Variants in WDR25 observed in about 807,000 individuals in gnomAD.
WDR25 encodes WD repeat-containing protein 25.
Under a neutral mutation model 47.7 loss-of-function variants are expected in WDR25, and 35 were observed. The ratio of observed to expected loss-of-function variants is 0.73; its 90% confidence interval spans 0.56 to 0.97. WDR25 has a LOEUF of 0.97. Ranked by LOEUF, WDR25 falls within the 50% of genes least tolerant of loss-of-function variation. The pLI, the probability that WDR25 is intolerant of heterozygous loss-of-function variation, is 0.00. For missense variants in WDR25, 634 were observed against 704.7 expected (o/e 0.90, Z 1.14); for synonymous variants, 248 against 278.9 (o/e 0.89, Z 1.10).
Position 100,406,120 on chromosome 14 carries a change from C to T in WDR25, c.822+24374C>T, listed in dbSNP as rs563603961. Among the ~76,000 whole-genome samples the T allele has an allele frequency of 4.6e-5, 7 of 152,198 alleles. No homozygotes were observed. In the East Asian group the frequency reaches 1.2e-3, roughly 25 times the overall value. ...AGGCTTCAGAAGCCCATGTCAGGCA[C>T]GTGGGGCCCAGGTTCAAAGCAGAGG... On this transcript the variant is annotated intron_variant, in intron 2 of 6. Coordinates refer to ENST00000402312, the MANE Select transcript of WDR25 (RefSeq NM_001161476.3).
intron 4 of WDR25, among the ~76,000 whole-genome samples, chr14:100,490,463 T>C (rs142188544): frequency 6.6e-6 from 1 of 152,254 alleles, no homozygotes; most frequent in Non-Finnish European, 1.5e-5. Flanking sequence ...TGGATGGGAG[T>C]GATCTCAGGA....
chr14:100,515,567 G>C (rs1451306980), intron 4 of WDR25, among the ~76,000 whole-genome samples: 1 of 151,970 alleles, frequency 6.6e-6, no homozygotes, highest in East Asian at 1.9e-4. Flanking sequence ...TTCTCATACT[G>C]TCCGCTACCT....
At chr14:100,511,745 A>T (rs1430357712) in intron 4 of WDR25, among the ~76,000 whole-genome samples, 2 of 152,284 alleles carry the variant, frequency 1.3e-5, no homozygotes. Context: ...GTTGTTTTGT[A>T]CATGTCCCTA....
intron 2 of WDR25, among the ~76,000 whole-genome samples, chr14:100,384,117 A>AC (rs150727128): frequency 0.028 from 4,249 of 152,184 alleles, 204 homozygotes; most frequent in African/African-American, 0.098. Context: ...TGCACTGTGC[A>AC]CCCTGGGTTC....
chr14:100,448,995 G>A (rs183602322), intron 2 of WDR25, among the ~76,000 whole-genome samples: 10 of 152,150 alleles, frequency 6.6e-5, no homozygotes, highest in Non-Finnish European at 8.8e-5. Flanking sequence ...TTTGGGAAAC[G>A]CACCTAGAAA....
chr14:100,425,519 C>T lies in WDR25; in HGVS notation c.823-42502C>T, dbSNP rs143466426. 7.6e-4 allele frequency among the ~76,000 whole-genome samples: 116 copies of T among 152,276 alleles called. No homozygotes were observed. The highest frequency in any genetic ancestry group is 2.7e-3 in the African/African-American group (112 of 41,562). On this transcript the variant is annotated intron_variant, in intron 2 of 6. Transcript: ENST00000402312. The surrounding 1 kb of genome is among the most constrained non-coding windows in gnomAD (Gnocchi z 4.8). Reference sequence around the variant, plus strand: ...AATATGTTTGATGGGGAAAGATACCCGGGACAGAACCCGACTTTTGCACGT... The same window carrying T: ...AATATGTTTGATGGGGAAAGATACCTGGGACAGAACCCGACTTTTGCACGT...
rs144756056 is a variant in WDR25, at chr14:100,395,374, C to A, written c.822+13628C>A. 2.7e-3 allele frequency among the ~76,000 whole-genome samples: 418 copies of A among 152,342 alleles called. 2 individuals carry two copies. Among genetic ancestry groups the A allele is most frequent in the East Asian group, 0.026 (134 of 5,186 alleles). On this transcript the variant is annotated intron_variant, in intron 2 of 6. Coordinates refer to ENST00000402312, the MANE Select transcript of WDR25 (RefSeq NM_001161476.3). ...GAGGATTAAACAAGAGAACCCACGG[C>A]AGACTCTCAGGAGAGTACCAGGCGT...
intron 2 of WDR25, among the ~76,000 whole-genome samples, chr14:100,451,179 T>C (rs933767924): frequency 2.0e-5 from 3 of 151,716 alleles, no homozygotes; most frequent in South Asian, 2.1e-4. Context: ...GTAGAATTCA[T>C]GGCCTTGCAG....
intron 3 of WDR25, among the ~76,000 whole-genome samples, chr14:100,473,446 G>A (rs961836841): frequency 6.6e-6 from 1 of 152,134 alleles, no homozygotes; most frequent in African/African-American, 2.4e-5. Context: ...GAACAAACAG[G>A]GAAACAATGG....
chr14:100,475,928 A>T (rs1167946775), intron 3 of WDR25, among the ~76,000 whole-genome samples: 6 of 152,126 alleles, frequency 3.9e-5, no homozygotes, highest in Non-Finnish European at 8.8e-5. Context: ...AAATTAATTT[A>T]AAATGAAACA....
chr14:100,449,254 C>G lies in WDR25; in HGVS notation c.823-18767C>G, dbSNP rs1595099274. ...ATTGAGAAATCTTGATGAAAACGAT[C>G]ACTTCCATCCCAGCCCCATCAGGGA... On this transcript the variant is annotated intron_variant, in intron 2 of 6. Transcript: ENST00000402312. This position sits in a 1 kb window ranked among gnomAD's most constrained non-coding sequence, Gnocchi z 4.2. Among the ~76,000 whole-genome samples the G allele has an allele frequency of 2.0e-5, 3 of 152,378 alleles. No individual in the cohort carries two copies. Among genetic ancestry groups the G allele is most frequent in the Admixed American group, 1.3e-4 (2 of 15,310 alleles).
At chr14:100,463,563 T>G (rs1899501432) in intron 2 of WDR25, among the ~76,000 whole-genome samples, 1 of 152,166 alleles carries the variant, frequency 6.6e-6, no homozygotes, top group Admixed American at 6.5e-5. Context: ...CTGTCTGCAC[T>G]TGCTCCCTAG....
intron 4 of WDR25, among the ~76,000 whole-genome samples, chr14:100,507,667 ATGG>A (rs1901160674): frequency 9.6e-6 from 1 of 103,938 alleles, no homozygotes; most frequent in Non-Finnish European, 2.1e-5. Flanking sequence ...TTTTTTTTTT[ATGG>A]CTGTTGCAAA....
intron 2 of WDR25, among the ~76,000 whole-genome samples, chr14:100,388,248 T>G (rs1046521010): frequency 6.6e-6 from 1 of 152,116 alleles, no homozygotes; most frequent in Non-Finnish European, 1.5e-5. Context: ...GCCTTTGGTA[T>G]TTGGGGAGTG....
chr14:100,471,641 G>A (rs556363161), intron 3 of WDR25, among the ~76,000 whole-genome samples: 18 of 152,296 alleles, frequency 1.2e-4, no homozygotes, highest in African/African-American at 2.6e-4. Flanking sequence ...TCACCGCAGC[G>A]CTTTGGGAAT....
intron 1 of WDR25, chr14:100,376,734 C>G: frequency 1.6e-6 from 2 of 1,230,226 alleles, no homozygotes; most frequent in Non-Finnish European, 2.0e-6. Flanking sequence ...TTTCATCGCT[C>G]TGGGGCCTCC....
intron 2 of WDR25, among the ~76,000 whole-genome samples, chr14:100,427,483 C>T (rs949808598): frequency 1.2e-4 from 18 of 152,168 alleles, no homozygotes; most frequent in African/African-American, 3.4e-4. Flanking sequence ...AAGTGACACA[C>T]GGTGCCTTGG....
At chr14:100,492,131 A>G (rs760096612) in intron 4 of WDR25, among the ~76,000 whole-genome samples, 2 of 152,254 alleles carry the variant, frequency 1.3e-5, no homozygotes, top group Non-Finnish European at 2.9e-5. Flanking sequence ...TAGATGGCGC[A>G]TGCCCTAAAG....
rs2030046238 is a variant in WDR25 at position 100,525,026 on chromosome 14, G to A, written c.1102-844G>A. 6.6e-6 allele frequency among the ~76,000 whole-genome samples: 1 copy of A among 152,220 alleles called. No homozygotes were observed. Reference sequence around the variant, plus strand: ...ACTGTTTATGCTGCAGCCACATGGTGGCGGCCCAGGAACTGGTAAAGGGAC... The same window carrying A: ...ACTGTTTATGCTGCAGCCACATGGTAGCGGCCCAGGAACTGGTAAAGGGAC... On this transcript the variant is annotated intron_variant, in intron 4 of 6. Transcript: ENST00000402312. The surrounding 1 kb of genome is among the most constrained non-coding windows in gnomAD (Gnocchi z 4.6).
Sources: allele counts gnomAD v4.1 joint callset (sites outside exome capture counted in the v4.1 genomes callset), GRCh38; gene constraint gnomAD v4.1.1; non-coding constraint Gnocchi (gnomAD v3.1); transcripts MANE v1.5; gene names NCBI Gene and HGNC (gene_info 2026-07-23, HGNC 2026-07-21).